Variants in DMTF1 observed in about 807,000 individuals in gnomAD.
DMTF1 encodes cyclin-D-binding Myb-like transcription factor 1.
DMTF1 carries 39 observed loss-of-function variants against 91.1 expected under a neutral mutation model. That is an observed-to-expected ratio of 0.43 (90% CI 0.33 to 0.56). The LOEUF (loss-of-function observed/expected upper bound fraction) is 0.56, where lower values mean the gene tolerates loss of function less well. Among genes scored for constraint, DMTF1 ranks in the 20% least tolerant of loss-of-function variants. The pLI, the probability that DMTF1 is intolerant of heterozygous loss-of-function variation, is 0.05. For missense variants in DMTF1, 750 were observed against 914.5 expected (o/e 0.82, Z 2.32); for synonymous variants, 338 against 309.5 (o/e 1.09, Z -0.97).
Position 87,184,590 on chromosome 7 carries a change from A to G in DMTF1, c.1014A>G (p.Glu338=). 1 of 1,613,966 alleles carries G rather than the reference A, an allele frequency of 6.2e-7. No individual in the cohort carries two copies. The highest frequency in any genetic ancestry group is 8.5e-7 in the Non-Finnish European group (1 of 1,179,902). Residue 338 remains glutamate (E), a synonymous_variant, in exon 11 of 18, where the codon GAA becomes GAG. Coordinates refer to ENST00000331242, the MANE Select transcript of DMTF1 (RefSeq NM_001142327.2). ...ATTGGAAACAGAGTGGGGGTACTGAATGGACCAAGGAAGATGAAATCAATC... is the reference window on the plus strand; with the variant it reads ...ATTGGAAACAGAGTGGGGGTACTGAGTGGACCAAGGAAGATGAAATCAATC... ...YLNWKQSGGT[E]WTKEDEINLI... is the part of the protein sequence containing the mutation.
chr7:87,166,030 A>G (rs931240605), intron 3 of DMTF1, among the ~76,000 whole-genome samples: 2 of 152,168 alleles, frequency 1.3e-5, no homozygotes, highest in African/African-American at 4.8e-5. Flanking sequence ...AAGCTTCCCA[A>G]GGTTTTTAGA....
At position 87,193,890 on chromosome 7, in the gene DMTF1, G is replaced by C; in HGVS notation, c.1816G>C (p.Ala606Pro). 1 of 1,613,244 alleles carries C rather than the reference G, an allele frequency of 6.2e-7. No individual in the cohort carries two copies. Among genetic ancestry groups the C allele is most frequent in the Non-Finnish European group, 8.5e-7 (1 of 1,179,560 alleles). Residue 606 changes from alanine (A) to proline (P), a missense_variant, in exon 16 of 18, where the codon GCC becomes CCC. By Grantham distance (27) the Ala-to-Pro change is conservative. Coordinates refer to ENST00000331242, the MANE Select transcript of DMTF1 (RefSeq NM_001142327.2). ...QSSDFPEPPD[A>P]LEADTFPDEI... Reference sequence around the variant, plus strand: ...ATCTGATTTTCCTGAGCCTCCAGACGCCCTAGAAGCAGACACTTTCCCAGA... The same window carrying C: ...ATCTGATTTTCCTGAGCCTCCAGACCCCCTAGAAGCAGACACTTTCCCAGA...
intron 4 of DMTF1, among the ~76,000 whole-genome samples, chr7:87,169,644 C>T (rs1235405192): frequency 2.6e-5 from 4 of 152,130 alleles, no homozygotes; most frequent in African/African-American, 9.7e-5. Context: ...CTCCAAAGAC[C>T]TTCTTGTTGC....
chr7:87,185,058 T>TA, intron 11 of DMTF1: 2 of 341,140 alleles, frequency 5.9e-6, no homozygotes, highest in South Asian at 2.3e-5. Context: ...AGTCTGTAGT[T>TA]ACCTCCACAC....
intron 16 of DMTF1, 87 bp from the exon 17 acceptor site, chr7:87,194,595 TTA>T (rs1412628464): frequency 1.1e-6 from 1 of 915,294 alleles, no homozygotes; most frequent in African/African-American, 1.7e-5. Flanking sequence ...TGGGTTATGT[TTA>T]AGTCTAACCT....
In DMTF1 at chr7:87,190,938, A is replaced by G; in HGVS notation, c.1412-7A>G. 1 of 1,606,146 alleles carries G rather than the reference A, an allele frequency of 6.2e-7. No homozygotes were observed. The highest frequency in any genetic ancestry group is 8.5e-7 in the Non-Finnish European group (1 of 1,175,538). ...TCTTACCACAGCTTACCTTATTCTT[A>G]CCACAGCTTCAGCAGACTCTCCTGC... On this transcript the variant is annotated splice_region_variant and splice_polypyrimidine_tract_variant and intron_variant, in intron 13 of 17. Transcript: ENST00000331242.
In DMTF1 at chr7:87,195,848, A is replaced by C. The variant is rs1471746876; in HGVS notation, c.*708A>C. 1 of 152,540 alleles carries C rather than the reference A, an allele frequency of 6.6e-6. No individual in the cohort carries two copies. The highest frequency in any genetic ancestry group is 2.4e-5 in the African/African-American group (1 of 41,422). 9.4% of individuals were successfully genotyped at this position (152,540 alleles called of 1,614,324 possible). On this transcript the variant is annotated 3_prime_UTR_variant, in exon 18 of 18. Coordinates refer to ENST00000331242, the MANE Select transcript of DMTF1 (RefSeq NM_001142327.2). ...CAGAAACCACTGTCATTAGTTTACAAAGTTAGCACTTTGAAGTAAAACTAA... is the reference window on the plus strand; with the variant it reads ...CAGAAACCACTGTCATTAGTTTACACAGTTAGCACTTTGAAGTAAAACTAA...
intron 8 of DMTF1, chr7:87,181,086 G>A (rs1239364052): frequency 1.2e-5 from 3 of 258,826 alleles, no homozygotes; most frequent in African/African-American, 6.8e-5. Context: ...CTTGCCTCAA[G>A]TGATCCGCCT....
chr7:87,171,775 A>G (rs557867403), intron 5 of DMTF1, among the ~76,000 whole-genome samples: 1 of 152,278 alleles, frequency 6.6e-6, no homozygotes, highest in South Asian at 2.1e-4. Context: ...ATACTCTAAG[A>G]CTGATTAATA....
chr7:87,166,370 G>C, intron 3 of DMTF1, 113 bp from the exon 4 acceptor site: 1 of 1,083,934 alleles, frequency 9.2e-7, no homozygotes, highest in South Asian at 1.6e-5. Flanking sequence ...AGTTAAATGA[G>C]CAAATTGGTA....
At chr7:87,188,373 G>T (rs751035304) in intron 13 of DMTF1, 72 bp downstream of exon 13, 2 of 1,506,592 alleles carry the variant, frequency 1.3e-6, no homozygotes, top group Non-Finnish European at 1.8e-6. Context: ...GATGTCTTTT[G>T]GTTTTCTAGA....
Position 87,185,813 on chromosome 7 carries a change from T to G in DMTF1, c.1050-16T>G, listed in dbSNP as rs1222343321. The G allele has an allele frequency of 4.3e-6, 7 of 1,613,512 alleles. No individual in the cohort carries two copies. The highest frequency in any genetic ancestry group is 5.9e-6 in the Non-Finnish European group (7 of 1,179,608). On this transcript the variant is annotated splice_polypyrimidine_tract_variant and intron_variant, in intron 11 of 17. Transcript: ENST00000331242. ...AATTAATTTAATGTCTAACGATGCT[T>G]ATTTTGTAACTGTAGGATAGCAGAA...
intron 1 of DMTF1, among the ~76,000 whole-genome samples, chr7:87,160,049 G>A (rs1244886168): frequency 6.6e-6 from 1 of 152,048 alleles, no homozygotes; most frequent in Non-Finnish European, 1.5e-5. Context: ...TCCAAAAGTT[G>A]TTAACCATAG....
chr7:87,185,751 C>T, intron 11 of DMTF1, 78 bp from the exon 12 acceptor site: 1 of 1,499,526 alleles, frequency 6.7e-7, no homozygotes, highest in Non-Finnish European at 9.2e-7. Context: ...TTTGCCAGTG[C>T]AATTACCTGT....
At chr7:87,172,999 T>C (rs1324228956) in intron 5 of DMTF1, among the ~76,000 whole-genome samples, 1 of 152,234 alleles carries the variant, frequency 6.6e-6, no homozygotes, top group African/African-American at 2.4e-5. Context: ...GACAGTGATT[T>C]TGCAATAATG....
At chr7:87,174,753 AT>A in intron 7 of DMTF1, 84 bp downstream of exon 7, 1 of 829,414 alleles carries the variant, frequency 1.2e-6, no homozygotes, top group African/African-American at 1.7e-5. Flanking sequence ...GTGTGCACTT[AT>A]TAGGAGCTTT....
At chr7:87,155,848 A>G (rs1284974848) in intron 1 of DMTF1, among the ~76,000 whole-genome samples, 6 of 151,224 alleles carry the variant, frequency 4.0e-5, no homozygotes, top group African/African-American at 1.2e-4. Flanking sequence ...GAACAGTTTA[A>G]TTTTCTATCA....
intron 10 of DMTF1, among the ~76,000 whole-genome samples, 157 bp from the exon 11 acceptor site, chr7:87,184,240 T>G (rs1339028520): frequency 6.6e-6 from 1 of 152,218 alleles, no homozygotes; most frequent in Non-Finnish European, 1.5e-5. Flanking sequence ...AAAATGAAAC[T>G]GTCTTAGTGG....
rs765355242 is a variant in DMTF1, at chr7:87,185,847, A to G, written c.1068A>G (p.Val356=). The part of the protein sequence containing the change: ...NLILRIAELD[V]ADENDINWDL... ...ACTGTAGGATAGCAGAACTTGATGT[A>G]GCTGATGAAAATGACATTAACTGGG... is the stretch of plus-strand genomic sequence containing the variant. Residue 356 remains valine, a synonymous_variant, in exon 12 of 18, where the codon GTA becomes GTG. Coordinates refer to ENST00000331242, the MANE Select transcript of DMTF1 (RefSeq NM_001142327.2). 43 of 1,613,774 alleles carry G rather than the reference A, an allele frequency of 2.7e-5. No individual in the cohort carries two copies. Among genetic ancestry groups the G allele is most frequent in the Non-Finnish European group, 3.5e-5 (41 of 1,179,830 alleles).
Sources: gnomAD v4.1 joint callset for allele counts (sites outside exome capture counted in the v4.1 genomes callset) on GRCh38, gnomAD v4.1.1 for gene constraint, MANE v1.5 for transcripts, NCBI Gene and HGNC (gene_info 2026-07-23, HGNC 2026-07-21) for gene names.